The following SDK2 variants were observed in gnomAD, a reference collection of about 807,000 sequenced individuals.
The protein encoded by SDK2 is sidekick cell adhesion molecule 2.
Under a neutral mutation model 253.9 loss-of-function variants are expected in SDK2, and 105 were observed. The ratio of observed to expected loss-of-function variants is 0.41; its 90% CI spans 0.35 to 0.49. SDK2 has a LOEUF of 0.49. Ranked by LOEUF, SDK2 falls within the 20% of genes least tolerant of loss-of-function variation. The probability of loss-of-function intolerance (pLI) is 0.06; values close to 1 mark genes in which losing one functional copy is unlikely to be tolerated. For missense variants in SDK2, 2,608 were observed against 3,003.0 expected, an observed-to-expected ratio of 0.87 and a Z score of 3.07; for synonymous variants, 1,249 against 1,234.9, an observed-to-expected ratio of 1.01 and a Z score of -0.24.
rs148970089 is a variant in SDK2, at chr17:73,612,349, G to A, written c.64+31676C>T. 4.5e-3 allele frequency among the ~76,000 whole-genome samples: 683 copies of A among 151,604 alleles called. 2 individuals are homozygous for A. Among genetic ancestry groups the A allele is most frequent in the African/African-American group, 0.015 (628 of 41,312 alleles). On this transcript the variant is annotated intron_variant, in intron 1 of 44. Coordinates refer to ENST00000392650, the MANE Select transcript of SDK2 (RefSeq NM_001144952.2). The surrounding 1 kb of genome is among the most constrained non-coding windows in gnomAD (Gnocchi z 4.4). ...GGGTCACTGTGACCCAGCTGCACCTGGGCTGCAGGCTGGCCCCGCACAGTC... is the reference window on the plus strand; with the variant it reads ...GGGTCACTGTGACCCAGCTGCACCTAGGCTGCAGGCTGGCCCCGCACAGTC...
chr17:73,542,648 G>C (rs2044887830), intron 1 of SDK2, among the ~76,000 whole-genome samples: 1 of 152,136 alleles, frequency 6.6e-6, no homozygotes, highest in South Asian at 2.1e-4. Context: ...AGGGGAGAGG[G>C]AGGACCCAGG....
At chr17:73,524,499 T>G (rs1314574572) in intron 1 of SDK2, among the ~76,000 whole-genome samples, 1 of 152,214 alleles carries the variant, frequency 6.6e-6, no homozygotes, top group Non-Finnish European at 1.5e-5. Context: ...GCTCCTTGTA[T>G]TCCCCTTTTT....
At chr17:73,445,631 C>T (rs1193112420) in intron 5 of SDK2, among the ~76,000 whole-genome samples, 1 of 151,934 alleles carries the variant, frequency 6.6e-6, no homozygotes, top group African/African-American at 2.4e-5. Context: ...GGGTGAGGCC[C>T]AGGAGAGGAA....
intron 3 of SDK2, among the ~76,000 whole-genome samples, chr17:73,463,448 GAATAA>G (rs1332588461): frequency 1.3e-5 from 2 of 152,072 alleles, no homozygotes; most frequent in African/African-American, 4.8e-5. Flanking sequence ...GTTTACAGAA[GAATAA>G]AATAAACACT....
intron 1 of SDK2, among the ~76,000 whole-genome samples, chr17:73,638,106 GACGAGAGGCATTTCACAAGT>G (rs2046354860): frequency 6.6e-6 from 1 of 152,244 alleles, no homozygotes; most frequent in Non-Finnish European, 1.5e-5. Flanking sequence ...GATGTACAGA[GACGAGAGGCATTTCACAAGT>G]CAATCAGCTC....
Position 73,395,201 on chromosome 17 carries a change from C to T in SDK2, c.3546G>A (p.Gly1182=), listed in dbSNP as rs140373513. 244 of 1,610,496 alleles carry T rather than the reference C, an allele frequency of 1.5e-4. No individual in the cohort carries two copies. In the African/African-American group the frequency reaches 3.0e-3, roughly 20 times the overall value. ...CCACCGTCTGGCTCCAGGGCCCGCT[C>T]CCGATGGCGTTGAAGGCCTGGACCT... ...RVQVQAFNAI[G]SGPWSQTVVG... is the part of the protein sequence containing the mutation. Residue 1182 remains glycine (G), a synonymous_variant, in exon 25 of 45, where the codon GGG becomes GGA. Coordinates refer to ENST00000392650, the MANE Select transcript of SDK2 (RefSeq NM_001144952.2). This position sits in a 1 kb window ranked among gnomAD's most constrained non-coding sequence, Gnocchi z 4.3.
chr17:73,462,443 TATATATAC>T (rs2063570249), intron 3 of SDK2, among the ~76,000 whole-genome samples: 1 of 10,264 alleles, frequency 9.7e-5, no homozygotes, highest in Admixed American at 2.0e-3. Flanking sequence ...GGATGGTATA[TATATATAC>T]ACACACACAT....
chr17:73,373,043 C>T (rs1413248661), intron 36 of SDK2, among the ~76,000 whole-genome samples: 4 of 152,220 alleles, frequency 2.6e-5, no homozygotes, highest in Non-Finnish European at 4.4e-5. Context: ...CTCCCTCAGC[C>T]TCTGGCAACC....
rs989795116 is a variant in SDK2, at chr17:73,447,596, C to A, written c.613+19G>T. 7 of 1,551,844 alleles carry A rather than the reference C, an allele frequency of 4.5e-6. No homozygotes were observed. The South Asian group carries it at 7.1e-5, about 16-fold the overall frequency. ...TAATGGCCCGCTCCAAGATCGGTCC[C>A]GGCCCTGTGCGTACTTACTCTCCAC... On this transcript the variant is annotated intron_variant, in intron 5 of 44. Transcript: ENST00000392650. The surrounding 1 kb of genome is among the most constrained non-coding windows in gnomAD (Gnocchi z 4.0).
At chr17:73,459,408 C>A (rs1473353234) in intron 3 of SDK2, among the ~76,000 whole-genome samples, 1 of 152,204 alleles carries the variant, frequency 6.6e-6, no homozygotes, top group Non-Finnish European at 1.5e-5. Flanking sequence ...TGCCTTAATG[C>A]CCACACCACG....
At position 73,433,757 on chromosome 17, in the gene SDK2, G is replaced by T. The variant is rs749515914; in HGVS notation, c.1287C>A (p.Pro429=). 6.2e-7 allele frequency: 1 copy of T among 1,607,960 alleles called. No homozygotes were observed. Among genetic ancestry groups the T allele is most frequent in the South Asian group, 1.1e-5 (1 of 89,432 alleles). ...CTTTCTGCCAAGTGATAGCTGGTCG[G>T]GGCGCCCCCGAGGTCTCACATGCTA... The part of the protein sequence containing the change: ...VVLACETSGA[P]RPAITWQKGE... The change falls in exon 10 of 45, where the codon CCC becomes CCA. Residue 429 remains proline, a synonymous_variant. Transcript: ENST00000392650.
chr17:73,570,393 G>A lies in SDK2; in HGVS notation c.65-62796C>T, dbSNP rs943186139. ...TATGCTCAATAAAGAGCCTCCAGGT[G>A]CATGTGAGGGTGGGTGAGGTGGCTC... On this transcript the variant is annotated intron_variant, in intron 1 of 44. Coordinates refer to ENST00000392650, the MANE Select transcript of SDK2 (RefSeq NM_001144952.2). This position sits in a 1 kb window ranked among gnomAD's most constrained non-coding sequence, Gnocchi z 4.2. 2.0e-5 allele frequency among the ~76,000 whole-genome samples: 3 copies of A among 152,190 alleles called. No individual in the cohort carries two copies. Among genetic ancestry groups the A allele is most frequent in the African/African-American group, 7.2e-5 (3 of 41,432 alleles).
At chr17:73,428,266 ATGT>A (rs2063299286) in intron 12 of SDK2, among the ~76,000 whole-genome samples, 2 of 151,356 alleles carry the variant, frequency 1.3e-5, no homozygotes, top group South Asian at 4.3e-4. Flanking sequence ...GGGTTTCACC[ATGT>A]TGGACAGGAT....
intron 32 of SDK2, among the ~76,000 whole-genome samples, chr17:73,384,913 C>T (rs1051279859): frequency 6.6e-6 from 1 of 152,218 alleles, no homozygotes; most frequent in Admixed American, 6.5e-5. Context: ...GCCATGGGCA[C>T]CTCCCTGCCC....
At chr17:73,359,572 G>C (rs2062623846) in intron 39 of SDK2, among the ~76,000 whole-genome samples, 1 of 152,208 alleles carries the variant, frequency 6.6e-6, no homozygotes, top group African/African-American at 2.4e-5. Context: ...CTTCCAGCGA[G>C]TCCAGCCACT....
At chr17:73,523,437 G>C (rs1235045237) in intron 1 of SDK2, among the ~76,000 whole-genome samples, 1 of 152,002 alleles carries the variant, frequency 6.6e-6, no homozygotes, top group Admixed American at 6.6e-5. Flanking sequence ...GGTCTTTGCA[G>C]ATGTAATCAA....
intron 15 of SDK2, 46 bp downstream of exon 15, chr17:73,422,241 C>G (rs200043081): frequency 1.9e-6 from 3 of 1,603,186 alleles, no homozygotes; most frequent in African/African-American, 2.7e-5. Context: ...CAGCCCCTGC[C>G]TGTTGGAGTC....
intron 1 of SDK2, among the ~76,000 whole-genome samples, chr17:73,596,088 G>A (rs2145906908): frequency 6.6e-6 from 1 of 152,304 alleles, no homozygotes; most frequent in East Asian, 1.9e-4. Context: ...AACACGTTTG[G>A]GCTGTCCTGG....
intron 38 of SDK2, among the ~76,000 whole-genome samples, chr17:73,364,526 C>T (rs988365665): frequency 1.3e-5 from 2 of 152,080 alleles, no homozygotes; most frequent in Non-Finnish European, 2.9e-5. Context: ...CTGACTCCCA[C>T]CAAAGCTAAA....
Sources: gnomAD v4.1 joint callset for allele counts (sites outside exome capture counted in the v4.1 genomes callset) on GRCh38, gnomAD v4.1.1 for gene constraint, Gnocchi (gnomAD v3.1) non-coding constraint, MANE v1.5 for transcripts, NCBI Gene and HGNC (gene_info 2026-07-23, HGNC 2026-07-21) for gene names.